TULP2: variants seen among roughly 807,000 people sequenced by gnomAD.
The protein encoded by TULP2 is TUB like protein 2.
TULP2 carries 64 observed loss-of-function variants against 60.3 expected under a neutral mutation model. The ratio of observed to expected loss-of-function variants is 1.06; its 90% confidence interval spans 0.87 to 1.31. The LOEUF is 1.31. Ranked by LOEUF, TULP2 falls within the 50% of genes most tolerant of loss-of-function variation. The pLI, the probability that TULP2 is intolerant of heterozygous loss-of-function variation, is 0.00. For synonymous variants in TULP2, 267 were observed against 265.4 expected (o/e 1.01, Z -0.06); for missense variants, 652 against 667.0 (o/e 0.98, Z 0.25).
chr19:48,897,600 C>T lies in TULP2; in HGVS notation c.33-204G>A. 4 of 695,128 alleles carry T rather than the reference C, an allele frequency of 5.8e-6. No homozygotes were observed. The highest frequency in any genetic ancestry group is 3.6e-5 in the South Asian group (2 of 54,894). 43.1% of individuals were successfully genotyped at this position (695,128 alleles called of 1,614,324 possible). A position where few individuals can be genotyped will look rare whatever the true frequency, so the allele number is the denominator to read the frequency against. Reference sequence around the variant, plus strand: ...CCCACAGAAGCCGGGACCCAGAGATCCCAGGTCCCTCCTGTCTCAGGATTC... The same window carrying T: ...CCCACAGAAGCCGGGACCCAGAGATTCCAGGTCCCTCCTGTCTCAGGATTC... On this transcript the variant is annotated intron_variant, in intron 2 of 12. Transcript: ENST00000221399. This position sits in a 1 kb window ranked among gnomAD's most constrained non-coding sequence, Gnocchi z 4.0.
At position 48,895,126 on chromosome 19, in the gene TULP2, G is replaced by C. The variant is rs1224432019; in HGVS notation, c.386C>G (p.Ser129Cys). The C allele has an allele frequency of 1.2e-6, 2 of 1,614,096 alleles. No homozygotes were observed. The highest frequency in any genetic ancestry group is 1.7e-6 in the Non-Finnish European group (2 of 1,180,014). The change falls in exon 6 of 13, where the codon TCC becomes TGC. Residue 129 changes from serine to cysteine, a missense_variant. Ser to Cys is a moderately radical substitution (Grantham distance 112). Coordinates refer to ENST00000221399, the MANE Select transcript of TULP2 (RefSeq NM_003323.3). ...TGCATCGGAATTGTCTGGGAGCCAG[G>C]ATAAGAAAGGGGACTGGAGACCGAG... is the stretch of plus-strand genomic sequence containing the variant. ...RNLGLQSPFL[S>C]WLPDNSDAEL...
Position 48,895,259 on chromosome 19 carries a change from G to A in TULP2, c.350-97C>T, listed in dbSNP as rs539553919. 9.5e-6 allele frequency: 15 copies of A among 1,574,290 alleles called. No homozygotes were observed. In the African/African-American group the frequency reaches 2.0e-4, roughly 21 times the overall value. ...TTGGTGTGAGGAAGGAGTGGGTGCG[G>A]TCCTGAGCTCCTGAGTATTTTGGAC... On this transcript the variant is annotated intron_variant, in intron 5 of 12. Coordinates refer to ENST00000221399, the MANE Select transcript of TULP2 (RefSeq NM_003323.3).
At position 48,895,100 on chromosome 19, in the gene TULP2, CTG is replaced by C; in HGVS notation, c.410_411del (p.Ala137GlyfsTer18). ...FLSWLPDNSD[A>X]ELEEVSVENG... ...TTCTCCACGGAGACTTCCTCCAATT[CTG>C]CATCGGAATTGTCTGGGAGCCAGGA... On this transcript the variant is annotated frameshift_variant, in exon 6 of 13. Coordinates refer to ENST00000221399, the MANE Select transcript of TULP2 (RefSeq NM_003323.3). LOFTEE classifies it high-confidence loss of function. 1 of 1,614,082 alleles carries C rather than the reference CTG, an allele frequency of 6.2e-7. No homozygotes were observed. The highest frequency in any genetic ancestry group is 8.5e-7 in the Non-Finnish European group (1 of 1,180,026).
At chr19:48,881,226 T>C (rs2037128497) in intron 12 of TULP2, 100 bp from the exon 13 acceptor site, 1 of 688,004 alleles carries the variant, frequency 1.5e-6, no homozygotes, top group South Asian at 2.3e-5. Flanking sequence ...TTTTTTTTTT[T>C]TGAGACAGAG....
rs7254608 is a variant in TULP2, at chr19:48,892,517, G to A, written c.514+2481C>T. 7.4e-3 allele frequency among the ~76,000 whole-genome samples: 1,098 copies of A among 149,256 alleles called. 16 individuals are homozygous for A. The highest frequency in any genetic ancestry group is 0.026 in the African/African-American group (1,047 of 40,390). On this transcript the variant is annotated intron_variant, in intron 6 of 12. Coordinates refer to ENST00000221399, the MANE Select transcript of TULP2 (RefSeq NM_003323.3). Reference sequence around the variant, plus strand: ...AGAACAGTTTTTCTTTTTTTTTTTGGGGGGGGGACGGAGTCTTGCTCTGTC... The same window carrying A: ...AGAACAGTTTTTCTTTTTTTTTTTGAGGGGGGGACGGAGTCTTGCTCTGTC...
At chr19:48,888,691 G>A (rs531468882) in intron 7 of TULP2, among the ~76,000 whole-genome samples, 26 of 152,122 alleles carry the variant, frequency 1.7e-4, no homozygotes, top group African/African-American at 5.5e-4. Context: ...ACTCGATCTC[G>A]GTTCACTGCA....
chr19:48,884,123 T>C, intron 9 of TULP2, 77 bp from the exon 10 acceptor site: 1 of 1,175,332 alleles, frequency 8.5e-7, no homozygotes, highest in Non-Finnish European at 1.2e-6. Context: ...TCGCATCGAC[T>C]CTTCCCATCA....
rs2037269200 is a variant in TULP2 at position 48,895,385 on chromosome 19, C to CG, written c.329dup (p.Thr111AspfsTer45). Reference sequence around the variant, plus strand: ...AAATACCTGCTTCTGTCCGCGGTGTCGGGAGGCCGCGCTCGCCCCTGCCGT... The same window carrying CG: ...AAATACCTGCTTCTGTCCGCGGTGTCGGGGAGGCCGCGCTCGCCCCTGCCGT... On this transcript the variant is annotated frameshift_variant, in exon 5 of 13. Transcript: ENST00000221399. LOFTEE classifies it high-confidence loss of function. The CG allele has an allele frequency of 2.5e-6, 4 of 1,613,766 alleles. No homozygotes were observed. In the East Asian group the frequency reaches 8.9e-5, roughly 36 times the overall value.
chr19:48,885,488 G>A lies in TULP2; in HGVS notation c.1021C>T (p.His341Tyr). 1.9e-6 allele frequency: 3 copies of A among 1,614,056 alleles called. No individual in the cohort carries two copies. The highest frequency in any genetic ancestry group is 1.6e-4 in the Middle Eastern group (1 of 6,062). ...SNYLISLDPT[H>Y]LSRDGDNFVG... is the part of the protein sequence containing the mutation. ...AAATTGTCCCCGTCCCGAGATAGGT[G>A]TGTAGGATCCAGGGAGATGAGGTAA... The change falls in exon 9 of 13, where the codon CAC becomes TAC. Residue 341 changes from histidine to tyrosine, a missense_variant. Physicochemically the swap from His to Tyr is moderately conservative, Grantham distance 83 (BLOSUM62 2). Transcript: ENST00000221399.
chr19:48,888,433 A>G (rs1599997409), intron 7 of TULP2, among the ~76,000 whole-genome samples, 172 bp from the exon 8 acceptor site: 2 of 152,148 alleles, frequency 1.3e-5, no homozygotes, highest in Non-Finnish European at 2.9e-5. Flanking sequence ...TTGACTGGCC[A>G]GTCTATTCGC....
intron 12 of TULP2, among the ~76,000 whole-genome samples, chr19:48,881,555 CTG>C (rs2037132743): frequency 6.6e-6 from 1 of 151,750 alleles, no homozygotes; most frequent in Non-Finnish European, 1.5e-5. Flanking sequence ...CTAATTTTTT[CTG>C]TGTTTTTAGT....
Position 48,882,186 on chromosome 19 carries a change from C to T in TULP2, c.1293G>A (p.Leu431=), listed in dbSNP as rs267605576. ...GTTTGTCCCCACGTTGGTAACGACTCAGTAGCGACTCCTGTTCCTAGAAGG... is the reference window on the plus strand; with the variant it reads ...GTTTGTCCCCACGTTGGTAACGACTTAGTAGCGACTCCTGTTCCTAGAAGG... ...VQPLNEQESL[L]SRYQRGDKQG... is the part of the protein sequence containing the mutation. The change falls in exon 12 of 13, where the codon CTG becomes CTA. Residue 431 remains leucine, a synonymous_variant. Transcript: ENST00000221399. The T allele has an allele frequency of 7.4e-6, 12 of 1,614,162 alleles. No individual in the cohort carries two copies. The East Asian group carries it at 2.7e-4, about 36-fold the overall frequency.
At chr19:48,888,691 G>C (rs531468882) in intron 7 of TULP2, among the ~76,000 whole-genome samples, 1 of 152,006 alleles carries the variant, frequency 6.6e-6, no homozygotes, top group Non-Finnish European at 1.5e-5. Context: ...ACTCGATCTC[G>C]GTTCACTGCA....
At chr19:48,887,210 G>T (rs1340943693) in intron 8 of TULP2, among the ~76,000 whole-genome samples, 1 of 147,404 alleles carries the variant, frequency 6.8e-6, no homozygotes, top group Non-Finnish European at 1.5e-5. Flanking sequence ...ACGATGTTTC[G>T]CCTTGTTGGC....
At chr19:48,895,189 G>A in intron 5 of TULP2, 27 bp from the exon 6 acceptor site, 1 of 1,608,638 alleles carries the variant, frequency 6.2e-7, no homozygotes, top group African/African-American at 1.3e-5. Context: ...GGGAGAGTTG[G>A]ATTTCTGGAT....
intron 6 of TULP2, 66 bp downstream of exon 6, chr19:48,894,932 G>A: frequency 2.6e-6 from 4 of 1,541,322 alleles, no homozygotes; most frequent in Non-Finnish European, 3.5e-6. Flanking sequence ...TGCTGCCTAA[G>A]AAAGGGGAAG....
chr19:48,883,733 TTCCTGA>T lies in TULP2; in HGVS notation c.1275+15_1275+20del. 1 of 1,613,202 alleles carries T rather than the reference TTCCTGA, an allele frequency of 6.2e-7. No homozygotes were observed. Among genetic ancestry groups the T allele is most frequent in the Middle Eastern group, 1.7e-4 (1 of 5,878 alleles). ...AGCCCCTTCTCCATTGACCCAGAGATTCCTGATGTCAGGGACTCACATTTAGTGGCT... is the reference window on the plus strand; with the variant it reads ...AGCCCCTTCTCCATTGACCCAGAGATTGTCAGGGACTCACATTTAGTGGCT... On this transcript the variant is annotated intron_variant, in intron 11 of 12. Transcript: ENST00000221399.
At chr19:48,882,339 G>A in intron 11 of TULP2, 136 bp from the exon 12 acceptor site, 3 of 926,610 alleles carry the variant, frequency 3.2e-6, no homozygotes, top group Non-Finnish European at 3.2e-6. Flanking sequence ...GACCTGCTGG[G>A]CTGCGTTCCC....
Position 48,885,601 on chromosome 19 carries a change from A to G in TULP2, c.949-41T>C, listed in dbSNP as rs769299907. 6.3e-6 allele frequency: 10 copies of G among 1,583,394 alleles called. No individual in the cohort carries two copies. In the East Asian group the frequency reaches 2.3e-4, roughly 36 times the overall value. On this transcript the variant is annotated intron_variant, in intron 8 of 12. Transcript: ENST00000221399. ...ACAGTCCATTAGAATGGACTTCTGGATGCTGGGTGTGGTGGCTCATGCCTG... is the reference window on the plus strand; with the variant it reads ...ACAGTCCATTAGAATGGACTTCTGGGTGCTGGGTGTGGTGGCTCATGCCTG...
Sources: allele counts gnomAD v4.1 joint callset (sites outside exome capture counted in the v4.1 genomes callset), GRCh38; gene constraint gnomAD v4.1.1; non-coding constraint Gnocchi (gnomAD v3.1); transcripts MANE v1.5; gene names NCBI Gene and HGNC (gene_info 2026-07-23, HGNC 2026-07-21).